Variants in DDR2 observed in about 807,000 individuals in gnomAD.
DDR2 encodes the protein discoidin domain-containing receptor 2.
DDR2 carries 27 observed loss-of-function variants against 94.9 expected under a neutral mutation model. That is an observed-to-expected ratio of 0.28 (90% CI 0.21 to 0.39). DDR2 has a LOEUF of 0.39. Among genes scored for constraint, DDR2 ranks in the 10% least tolerant of loss-of-function variants. DDR2 has a pLI of 1.00. For synonymous variants in DDR2, 382 were observed against 377.2 expected (o/e 1.01, Z -0.15); for missense variants, 783 against 1,076.0 (o/e 0.73, Z 3.81).
intron 7 of DDR2, 49 bp downstream of exon 7, chr1:162,755,818 G>A (rs1663437452): frequency 1.4e-6 from 2 of 1,445,302 alleles, no homozygotes; most frequent in Non-Finnish European, 1.9e-6. Context: ...CACTAAGAAA[G>A]AATAATATTT....
intron 2 of DDR2, among the ~76,000 whole-genome samples, chr1:162,665,099 G>A (rs551323290): frequency 1.3e-5 from 2 of 152,182 alleles, no homozygotes; most frequent in East Asian, 1.9e-4. Flanking sequence ...AGTTTCCTAC[G>A]TATATTTTCT....
At chr1:162,653,916 A>G (rs913423712) in intron 1 of DDR2, among the ~76,000 whole-genome samples, 3 of 152,150 alleles carry the variant, frequency 2.0e-5, no homozygotes, top group Admixed American at 2.0e-4. Context: ...TTTTATTCCC[A>G]TTAAGTACTG....
chr1:162,708,652 C>G (rs1660762715), intron 2 of DDR2, among the ~76,000 whole-genome samples: 1 of 152,218 alleles, frequency 6.6e-6, no homozygotes, highest in South Asian at 2.1e-4. Flanking sequence ...TAGGAAACTG[C>G]TTGGGTCTTT....
At chr1:162,718,181 C>G (rs1661253622) in intron 2 of DDR2, among the ~76,000 whole-genome samples, 2 of 151,990 alleles carry the variant, frequency 1.3e-5, no homozygotes, top group South Asian at 4.2e-4. Flanking sequence ...TTTGTCATAC[C>G]CCATCATCTT....
Position 162,782,057 on chromosome 1 carries a change from A to G in DDR2, c.*1811A>G, listed in dbSNP as rs1344355481. On this transcript the variant is annotated 3_prime_UTR_variant, in exon 18 of 18. Transcript: ENST00000367921. ...ATCCTAGCAAATGTCCTTTCCCCAT[A>G]GTTGTCCTATGCCTTTGGGCTTTAG... 1 of 152,176 alleles carries G rather than the reference A, an allele frequency of 6.6e-6. No individual in the cohort carries two copies. The highest frequency in any genetic ancestry group is 1.5e-5 in the Non-Finnish European group (1 of 68,048). 9.4% of individuals were successfully genotyped at this position (152,176 alleles called of 1,614,324 possible).
Position 162,689,796 on chromosome 1 carries a change from G to A in DDR2, c.-27-29241G>A, listed in dbSNP as rs185746213. On this transcript the variant is annotated intron_variant, in intron 2 of 17. Coordinates refer to ENST00000367921, the MANE Select transcript of DDR2 (RefSeq NM_006182.4). Reference sequence around the variant, plus strand: ...AGGCAGGCAGATCACTTGAGGCCAGGAGTTTGAGACCAGCCTGGCCAACAT... The same window carrying A: ...AGGCAGGCAGATCACTTGAGGCCAGAAGTTTGAGACCAGCCTGGCCAACAT... 4.1e-3 allele frequency among the ~76,000 whole-genome samples: 515 copies of A among 126,848 alleles called. 1 individual carries two copies. Among genetic ancestry groups the A allele is most frequent in the African/African-American group, 0.014 (493 of 34,402 alleles). The allele number at this position is 126,848 out of a possible 152,430, so 83.2% of individuals were successfully genotyped here. A position where few individuals can be genotyped will look rare whatever the true frequency, so the allele number is the denominator to read the frequency against.
chr1:162,705,649 G>A (rs923255676), intron 2 of DDR2, among the ~76,000 whole-genome samples: 11 of 152,076 alleles, frequency 7.2e-5, no homozygotes, highest in Non-Finnish European at 2.9e-5. Context: ...TTCCAGCCTC[G>A]TTGTTGGAAT....
At chr1:162,777,738 G>C (rs926667480) in intron 16 of DDR2, 2 of 152,208 alleles carry the variant, frequency 1.3e-5, no homozygotes, top group Non-Finnish European at 2.9e-5. Flanking sequence ...TAACTGGCAT[G>C]GTGGTATGTA....
At chr1:162,775,312 A>G (rs1647470305) in intron 14 of DDR2, among the ~76,000 whole-genome samples, 1 of 151,964 alleles carries the variant, frequency 6.6e-6, no homozygotes, top group Admixed American at 6.6e-5. Context: ...TCAGTGAAAC[A>G]TTTTACTCTG....
At chr1:162,696,704 G>T (rs1271477823) in intron 2 of DDR2, among the ~76,000 whole-genome samples, 2 of 151,982 alleles carry the variant, frequency 1.3e-5, no homozygotes, top group Non-Finnish European at 2.9e-5. Flanking sequence ...TAAACCAGAG[G>T]CCCCTTTCCT....
At chr1:162,660,533 A>C (rs1483876121) in intron 2 of DDR2, among the ~76,000 whole-genome samples, 6 of 152,194 alleles carry the variant, frequency 3.9e-5, no homozygotes, top group African/African-American at 1.2e-4. Context: ...GGCCTTTGAG[A>C]CTTGCTGGTC....
intron 1 of DDR2, among the ~76,000 whole-genome samples, chr1:162,638,115 G>A (rs1656927993): frequency 6.6e-6 from 1 of 152,076 alleles, no homozygotes; most frequent in African/African-American, 2.4e-5. Flanking sequence ...CTGCCTCCTG[G>A]GTTCAAGTGA....
Position 162,785,650 on chromosome 1 carries a change from G to T in DDR2, c.*5404G>T, listed in dbSNP as rs1229027049. The T allele has an allele frequency of 6.6e-6, 1 of 152,020 alleles. No homozygotes were observed. The highest frequency in any genetic ancestry group is 1.5e-5 in the Non-Finnish European group (1 of 67,968). The allele number at this position is 152,020 out of a possible 1,614,324, so 9.4% of individuals were successfully genotyped here. On this transcript the variant is annotated 3_prime_UTR_variant, in exon 18 of 18. Transcript: ENST00000367921. ...AATATTTGCTGAATGTTGTTTTTTT[G>T]AATGAACATAAGATAGAAACAAAAA... is the stretch of plus-strand genomic sequence containing the variant.
intron 3 of DDR2, among the ~76,000 whole-genome samples, chr1:162,750,984 C>T (rs1663164653): frequency 1.3e-5 from 2 of 152,150 alleles, no homozygotes; most frequent in African/African-American, 4.8e-5. Context: ...ACACCTTATA[C>T]AAAAATTAAT....
intron 1 of DDR2, among the ~76,000 whole-genome samples, chr1:162,636,475 GC>G (rs1189633547): frequency 2.6e-5 from 4 of 152,170 alleles, no homozygotes; most frequent in Non-Finnish European, 2.9e-5. Flanking sequence ...TCTGTGAGGG[GC>G]CCTTTGGATC....
rs1664202944 is a variant in DDR2 at position 162,770,352 on chromosome 1, A to G, written c.1344A>G (p.Pro448=). ...DDEMTVSLSL[P]SDSSMFNNNR... ...AAATGACAGTCAGCCTTTCCCTGCC[A>G]AGTGATTCTAGCATGTTCAACAATA... The change falls in exon 12 of 18, where the codon CCA becomes CCG. Residue 448 remains proline (P), a synonymous_variant. Transcript: ENST00000367921. The G allele has an allele frequency of 1.2e-6, 2 of 1,613,978 alleles. No individual in the cohort carries two copies. The highest frequency in any genetic ancestry group is 1.7e-5 in the Admixed American group (1 of 59,992).
At chr1:162,748,661 G>C (rs1283918817) in intron 3 of DDR2, among the ~76,000 whole-genome samples, 1 of 152,168 alleles carries the variant, frequency 6.6e-6, no homozygotes, top group East Asian at 1.9e-4. Context: ...GGACCTAATA[G>C]ACATCTACAG....
At chr1:162,736,062 C>G (rs1449750579) in intron 3 of DDR2, among the ~76,000 whole-genome samples, 2 of 152,228 alleles carry the variant, frequency 1.3e-5, no homozygotes, top group Non-Finnish European at 2.9e-5. Flanking sequence ...AGAATCATTA[C>G]ACGTCCAGGC....
At chr1:162,747,268 C>G (rs1205011319) in intron 3 of DDR2, among the ~76,000 whole-genome samples, 2 of 152,028 alleles carry the variant, frequency 1.3e-5, no homozygotes. Context: ...AGCTAAAAAC[C>G]TTGAAAAAAG....
Sources: allele counts gnomAD v4.1 joint callset (sites outside exome capture counted in the v4.1 genomes callset), GRCh38; gene constraint gnomAD v4.1.1; transcripts MANE v1.5; gene names NCBI Gene and HGNC (gene_info 2026-07-23, HGNC 2026-07-21).